INTS3: variants seen among roughly 807,000 people sequenced by gnomAD.
INTS3 encodes integrator complex subunit 3.
A neutral mutation model predicts 146.3 loss-of-function variants in INTS3; 34 were observed. The observed-to-expected ratio is 0.23, with a 90% CI of 0.18 to 0.31. The LOEUF (loss-of-function observed/expected upper bound fraction) is 0.31, where lower values mean the gene tolerates loss of function less well. INTS3 is among the 10% of genes least tolerant of loss of function. The probability of loss-of-function intolerance (pLI) is 1.00; values close to 1 mark genes in which losing one functional copy is unlikely to be tolerated. For synonymous variants in INTS3, 475 were observed against 494.9 expected (o/e 0.96, Z 0.53); for missense variants, 757 against 1,304.2 (o/e 0.58, Z 6.46).
At chr1:153,764,793 CAT>C in intron 19 of INTS3, 59 bp downstream of exon 19, 1 of 1,484,884 alleles carries the variant, frequency 6.7e-7, no homozygotes, top group Non-Finnish European at 9.4e-7. Context: ...ACAGCACACA[CAT>C]GTGCTCCTGT....
chr1:153,730,350 A>T (rs1171830301), intron 1 of INTS3, among the ~76,000 whole-genome samples: 1 of 152,214 alleles, frequency 6.6e-6, no homozygotes, highest in Non-Finnish European at 1.5e-5. Flanking sequence ...ACTGCCTGGC[A>T]ATTGGAATTA....
At chr1:153,746,458 T>C (rs1372296700) in intron 3 of INTS3, among the ~76,000 whole-genome samples, 3 of 151,320 alleles carry the variant, frequency 2.0e-5, no homozygotes, top group South Asian at 2.1e-4. Context: ...TAGAGTGCAG[T>C]GGCGCGATCT....
In INTS3 at chr1:153,747,282, G is replaced by C; in HGVS notation, c.436G>C (p.Val146Leu). 1 of 1,613,828 alleles carries C rather than the reference G, an allele frequency of 6.2e-7. No individual in the cohort carries two copies. The change falls in exon 5 of 30, where the codon GTG becomes CTG. Residue 146 changes from valine (V) to leucine (L), a missense_variant. Coordinates refer to ENST00000318967, the MANE Select transcript of INTS3 (RefSeq NM_023015.5). ...TGTTTTTCCCTCTTTCCTTTAGTTG[G>C]TGTGGTTGGTACGGGAACTGGTGAA... ...KLQDTCRTQL[V>L]WLVRELVKSG...
At chr1:153,741,243 C>CT (rs771367383) in intron 2 of INTS3, 42 bp from the exon 3 acceptor site, 16 of 1,436,934 alleles carry the variant, frequency 1.1e-5, no homozygotes, top group Non-Finnish European at 1.4e-5. Context: ...AACTTACTGC[C>CT]TGTGAGTGAC....
Position 153,772,397 on chromosome 1 carries a change from C to T in INTS3, c.2778C>T (p.His926=), listed in dbSNP as rs553517856. The change falls in exon 27 of 30, where the codon CAC becomes CAT. Residue 926 remains histidine, a synonymous_variant. Coordinates refer to ENST00000318967, the MANE Select transcript of INTS3 (RefSeq NM_023015.5). This position sits in a 1 kb window ranked among gnomAD's most constrained non-coding sequence, Gnocchi z 4.6. ...AQLTLEQILE[H]LDNLRLNLTN... Reference sequence around the variant, plus strand: ...TGACTCTGGAGCAGATCCTGGAGCACTTGGACAATCTGCGGCTCAACCTGA... The same window carrying T: ...TGACTCTGGAGCAGATCCTGGAGCATTTGGACAATCTGCGGCTCAACCTGA... 9 of 1,614,112 alleles carry T rather than the reference C, an allele frequency of 5.6e-6. No homozygotes were observed. In the African/African-American group the frequency reaches 9.3e-5, roughly 17 times the overall value.
intron 8 of INTS3, chr1:153,753,559 A>AAAAAG (rs201709293): frequency 2.0e-5 from 3 of 151,890 alleles, no homozygotes; most frequent in African/African-American, 4.8e-5. Flanking sequence ...CTGTCCCAAA[A>AAAAAG]AAAAGAAAAG....
chr1:153,739,615 T>A (rs777806710), intron 1 of INTS3, among the ~76,000 whole-genome samples: 1 of 151,974 alleles, frequency 6.6e-6, no homozygotes, highest in Non-Finnish European at 1.5e-5. Flanking sequence ...ATTACAGGTG[T>A]GAACCACCGC....
chr1:153,743,242 A>T (rs1245782532), intron 3 of INTS3, among the ~76,000 whole-genome samples: 1 of 152,202 alleles, frequency 6.6e-6, no homozygotes, highest in African/African-American at 2.4e-5. Context: ...GCTTAAAGCA[A>T]TGGGACTGTT....
chr1:153,738,967 C>A (rs1288813100), intron 1 of INTS3, among the ~76,000 whole-genome samples: 1 of 151,044 alleles, frequency 6.6e-6, no homozygotes, highest in Non-Finnish European at 1.5e-5. Context: ...CAACTCAGCT[C>A]ACTGCAAACT....
At position 153,772,011 on chromosome 1, in the gene INTS3, GA is replaced by G. The variant is rs772510354; in HGVS notation, c.2720+49del. 1.4e-6 allele frequency: 2 copies of G among 1,468,242 alleles called. No individual in the cohort carries two copies. The highest frequency in any genetic ancestry group is 2.4e-5 in the South Asian group (2 of 82,172). The allele number at this position is 1,468,242 out of a possible 1,614,324, so 91.0% of individuals were successfully genotyped here. A position where few individuals can be genotyped will look rare whatever the true frequency, so the allele number is the denominator to read the frequency against. Reference sequence around the variant, plus strand: ...CCTCCAGGCCATGGCGGTCTGCAGTGATTGCTGTCGGTGGTGGTGGTGGTGG... The same window carrying G: ...CCTCCAGGCCATGGCGGTCTGCAGTGTTGCTGTCGGTGGTGGTGGTGGTGG... On this transcript the variant is annotated intron_variant, in intron 26 of 29. Transcript: ENST00000318967. This position sits in a 1 kb window ranked among gnomAD's most constrained non-coding sequence, Gnocchi z 4.6.
intron 25 of INTS3, among the ~76,000 whole-genome samples, chr1:153,771,048 C>T (rs1319972015): frequency 1.3e-5 from 2 of 152,048 alleles, no homozygotes; most frequent in African/African-American, 2.4e-5. Context: ...CCCCCCCCAC[C>T]GCCCCATGCT....
At chr1:153,763,422 C>T in intron 16 of INTS3, 60 bp downstream of exon 16, 2 of 1,582,038 alleles carry the variant, frequency 1.3e-6, no homozygotes, top group East Asian at 4.5e-5. Context: ...CTACCTGGTG[C>T]TTAATGGGTA....
chr1:153,763,977 C>A, intron 17 of INTS3, 91 bp downstream of exon 17: 1 of 1,345,444 alleles, frequency 7.4e-7, no homozygotes, highest in Non-Finnish European at 1.1e-6. Context: ...TTTTCCCTCC[C>A]CTAGATGAGT....
intron 4 of INTS3, 88 bp downstream of exon 4, chr1:153,747,158 T>C: frequency 3.2e-6 from 4 of 1,262,036 alleles, no homozygotes; most frequent in Non-Finnish European, 4.6e-6. Flanking sequence ...GAATCAGGGC[T>C]AACACACCCC....
At chr1:153,743,167 C>T (rs1671602807) in intron 3 of INTS3, among the ~76,000 whole-genome samples, 1 of 152,218 alleles carries the variant, frequency 6.6e-6, no homozygotes, top group Admixed American at 6.5e-5. Flanking sequence ...ATACTTCTGT[C>T]CTACAGAAGT....
intron 1 of INTS3, among the ~76,000 whole-genome samples, chr1:153,734,212 A>G (rs574724657): frequency 6.6e-6 from 1 of 152,276 alleles, no homozygotes; most frequent in Non-Finnish European, 1.5e-5. Context: ...TGGCATCTGA[A>G]CCTATGATTC....
intron 1 of INTS3, among the ~76,000 whole-genome samples, chr1:153,732,622 A>G (rs546528433): frequency 1.3e-5 from 2 of 151,400 alleles, no homozygotes; most frequent in East Asian, 3.9e-4. Flanking sequence ...CTTTTTTTGC[A>G]TTTTTAGTAG....
intron 8 of INTS3, 137 bp from the exon 9 acceptor site, chr1:153,754,505 T>A: frequency 1.4e-6 from 1 of 717,452 alleles, no homozygotes; most frequent in African/African-American, 1.7e-5. Context: ...GTGCTTGACC[T>A]CCCTTGGTCT....
At position 153,773,946 on chromosome 1, in the gene INTS3, G is replaced by C. The variant is rs186612175; in HGVS notation, c.*676G>C. ...AGAGCCCAGGGAGTCCCAGAGGCAAGTTTCACAGAATTGTCAAATGATCCC... is the reference window on the plus strand; with the variant it reads ...AGAGCCCAGGGAGTCCCAGAGGCAACTTTCACAGAATTGTCAAATGATCCC... On this transcript the variant is annotated 3_prime_UTR_variant, in exon 30 of 30. Transcript: ENST00000318967. 4 of 165,886 alleles carry C rather than the reference G, an allele frequency of 2.4e-5. No homozygotes were observed. The highest frequency in any genetic ancestry group is 4.9e-5 in the African/African-American group (2 of 41,102). The allele number at this position is 165,886 out of a possible 1,614,324, so 10.3% of individuals were successfully genotyped here.
Sources: allele counts gnomAD v4.1 joint callset (sites outside exome capture counted in the v4.1 genomes callset), GRCh38; gene constraint gnomAD v4.1.1; non-coding constraint Gnocchi (gnomAD v3.1); transcripts MANE v1.5; gene names NCBI Gene and HGNC (gene_info 2026-07-23, HGNC 2026-07-21).